The following AKAP6 variants were observed in gnomAD, a reference collection of about 807,000 sequenced individuals.
AKAP6 encodes the protein A-kinase anchoring protein 6.
Under a neutral mutation model 188.5 loss-of-function variants are expected in AKAP6, and 58 were observed. The observed-to-expected ratio is 0.31, with a 90% CI of 0.25 to 0.38. The LOEUF is 0.38. Ranked by LOEUF, AKAP6 falls within the 10% of genes least tolerant of loss-of-function variation. The pLI is 1.00. For synonymous variants in AKAP6, 989 were observed against 998.6 expected (o/e 0.99, Z 0.18); for missense variants, 2,710 against 2,740.0 (o/e 0.99, Z 0.24).
intron 7 of AKAP6, among the ~76,000 whole-genome samples, chr14:32,650,361 C>T (rs1888161314): frequency 2.0e-5 from 3 of 152,086 alleles, no homozygotes; most frequent in Non-Finnish European, 4.4e-5. Context: ...ACCTGTAATC[C>T]CAGCATTTTG....
intron 9 of AKAP6, among the ~76,000 whole-genome samples, chr14:32,700,571 T>C (rs577895070): frequency 6.6e-6 from 1 of 152,338 alleles, no homozygotes; most frequent in African/African-American, 2.4e-5. Context: ...AAGATTATAA[T>C]ACTATATTTT....
Position 32,831,943 on chromosome 14 carries a change from C to T in AKAP6, c.*2138C>T, listed in dbSNP as rs1184830529. 1 of 152,112 alleles carries T rather than the reference C, an allele frequency of 6.6e-6. No homozygotes were observed. The highest frequency in any genetic ancestry group is 1.5e-5 in the Non-Finnish European group (1 of 68,016). 9.4% of individuals were successfully genotyped at this position (152,112 alleles called of 1,614,324 possible). On this transcript the variant is annotated 3_prime_UTR_variant, in exon 14 of 14. Transcript: ENST00000280979. The stretch of plus-strand genomic sequence containing the variant: ...CACCTGATTTTATTTATCATTAGTG[C>T]CACGCCAAGATCATTTAGACGATGC...
chr14:32,561,826 A>C (rs1253463160), intron 4 of AKAP6, among the ~76,000 whole-genome samples: 2 of 152,248 alleles, frequency 1.3e-5, no homozygotes, highest in South Asian at 2.1e-4. Flanking sequence ...AGGTCAGCTA[A>C]GTGAAGCAGT....
In AKAP6 at chr14:32,678,397, C is replaced by T; in HGVS notation, c.2817C>T (p.Ser939=). The T allele has an allele frequency of 6.2e-7, 1 of 1,613,942 alleles. No individual in the cohort carries two copies. The highest frequency in any genetic ancestry group is 8.5e-7 in the Non-Finnish European group (1 of 1,179,898). ...SLKLYSEQYT[S]SSKRKEEFAD... is the part of the protein sequence containing the mutation. ...AGCTGTACAGCGAGCAGTATACCAG[C>T]AGCAGCAAGCGAAAGGAAGAGTTTG... Residue 939 remains serine (S), a synonymous_variant, in exon 8 of 14, where the codon AGC becomes AGT. Transcript: ENST00000280979.
chr14:32,510,392 G>GTATATATA (rs1463144592), intron 2 of AKAP6, among the ~76,000 whole-genome samples: 9 of 36,070 alleles, frequency 2.5e-4, no homozygotes, highest in African/African-American at 9.0e-4. Context: ...ATATATATAT[G>GTATATATA]TGTATATATA....
At position 32,461,461 on chromosome 14, in the gene AKAP6, G is replaced by A. The variant is rs1891319774; in HGVS notation, c.324+27644G>A. ...GTCTGGAGTGGACCTCTAGCAAACT[G>A]TAGCAGACCTGCAGAAGAGGAGCCT... On this transcript the variant is annotated intron_variant, in intron 2 of 13. Transcript: ENST00000280979. Among the ~76,000 whole-genome samples the A allele has an allele frequency of 2.0e-5, 3 of 152,276 alleles. No homozygotes were observed. The South Asian group carries it at 6.2e-4, about 32-fold the overall frequency.
chr14:32,514,387 A>T (rs1159712760), intron 2 of AKAP6, among the ~76,000 whole-genome samples: 1 of 152,238 alleles, frequency 6.6e-6, no homozygotes, highest in Admixed American at 6.5e-5. Context: ...GGAGGAAGGC[A>T]TAGAAACACA....
intron 10 of AKAP6, among the ~76,000 whole-genome samples, chr14:32,735,055 T>A (rs1012910280): frequency 9.2e-5 from 14 of 152,040 alleles, no homozygotes; most frequent in Non-Finnish European, 1.5e-5. Context: ...AAATGCAAAA[T>A]GGAAAGAATT....
At chr14:32,490,709 G>C (rs1306449622) in intron 2 of AKAP6, among the ~76,000 whole-genome samples, 1 of 152,110 alleles carries the variant, frequency 6.6e-6, no homozygotes, top group African/African-American at 2.4e-5. Flanking sequence ...TTATACATCT[G>C]CAAAGACCTT....
intron 9 of AKAP6, among the ~76,000 whole-genome samples, chr14:32,705,371 A>G (rs1890771571): frequency 6.6e-6 from 1 of 152,192 alleles, no homozygotes; most frequent in Admixed American, 6.5e-5. Flanking sequence ...GGGTAGAGAG[A>G]AGAAATCCAG....
chr14:32,492,363 G>GAGAA (rs1880075991), intron 2 of AKAP6, among the ~76,000 whole-genome samples: 1 of 77,030 alleles, frequency 1.3e-5, no homozygotes, highest in Non-Finnish European at 3.4e-5. Flanking sequence ...TATAGAGAGA[G>GAGAA]AGAGAGAGAG....
chr14:32,351,577 C>T (rs1375685648), intron 1 of AKAP6, among the ~76,000 whole-genome samples: 2 of 139,398 alleles, frequency 1.4e-5, no homozygotes, highest in East Asian at 4.2e-4. Context: ...AAAAAAAAAA[C>T]AAAAACATTA....
chr14:32,769,456 C>T (rs1032193848), intron 11 of AKAP6, among the ~76,000 whole-genome samples: 3 of 151,884 alleles, frequency 2.0e-5, no homozygotes, highest in African/African-American at 7.3e-5. Flanking sequence ...ATTATACCTT[C>T]TTTGTTGTGC....
At chr14:32,520,957 C>A (rs1159245016) in intron 2 of AKAP6, among the ~76,000 whole-genome samples, 1 of 152,134 alleles carries the variant, frequency 6.6e-6, no homozygotes, top group Non-Finnish European at 1.5e-5. Context: ...TACTGGCAAA[C>A]CGAATCCAGC....
intron 11 of AKAP6, among the ~76,000 whole-genome samples, chr14:32,750,737 G>GTTTTTT (rs71293226): frequency 1.4e-5 from 2 of 138,366 alleles, no homozygotes; most frequent in Non-Finnish European, 1.5e-5. Context: ...AATTAATTTT[G>GTTTTTT]TTTTTTTTTT....
chr14:32,401,571 C>G (rs977487431), intron 1 of AKAP6, among the ~76,000 whole-genome samples: 8 of 152,166 alleles, frequency 5.3e-5, no homozygotes, highest in African/African-American at 1.9e-4. Flanking sequence ...AAACTTTCAT[C>G]TCATTTCTAC....
chr14:32,798,942 A>C (rs969019551), intron 12 of AKAP6, among the ~76,000 whole-genome samples: 2 of 152,222 alleles, frequency 1.3e-5, no homozygotes, highest in African/African-American at 4.8e-5. Flanking sequence ...TAATATGTAA[A>C]AACTGTTTTG....
rs917913309 is a variant in AKAP6, at chr14:32,349,507, A to C, written c.-35+20099A>C. 2.0e-5 allele frequency among the ~76,000 whole-genome samples: 3 copies of C among 152,200 alleles called. 1 individual carries two copies. The highest frequency in any genetic ancestry group is 1.3e-4 in the Admixed American group (2 of 15,272). On this transcript the variant is annotated intron_variant, in intron 1 of 13. Coordinates refer to ENST00000280979, the MANE Select transcript of AKAP6 (RefSeq NM_004274.5). The stretch of plus-strand genomic sequence containing the variant: ...TCAGAAATATAGAAAGAAATATAGA[A>C]AGATCTGTGGACATGTCAGGGCTTG...
chr14:32,467,923 A>G (rs957758001), intron 2 of AKAP6, among the ~76,000 whole-genome samples: 2 of 151,384 alleles, frequency 1.3e-5, no homozygotes, highest in South Asian at 2.1e-4. Context: ...TTCACCTTTC[A>G]TCCCCTTCTT....
Sources: allele counts gnomAD v4.1 joint callset (sites outside exome capture counted in the v4.1 genomes callset), GRCh38; gene constraint gnomAD v4.1.1; transcripts MANE v1.5; gene names NCBI Gene and HGNC (gene_info 2026-07-23, HGNC 2026-07-21).